Variants in SLCO5A1 observed in about 807,000 individuals in gnomAD.
SLCO5A1 encodes solute carrier organic anion transporter family member 5A1, also known as organic anion transporter polypeptide-related protein 4.
A neutral mutation model predicts 65.1 loss-of-function variants in SLCO5A1; 39 were observed. The ratio of observed to expected loss-of-function variants is 0.60; its 90% CI spans 0.46 to 0.78. The LOEUF (loss-of-function observed/expected upper bound fraction) is 0.78, where lower values mean the gene tolerates loss of function less well. Ranked by LOEUF, SLCO5A1 falls within the 30% of genes least tolerant of loss-of-function variation. The pLI, the probability that SLCO5A1 is intolerant of heterozygous loss-of-function variation, is 0.00. For synonymous variants in SLCO5A1, 438 were observed against 415.7 expected (o/e 1.05, Z -0.65); for missense variants, 1,029 against 1,069.4 (o/e 0.96, Z 0.53).
chr8:69,694,208 A>C (rs1438482498), intron 6 of SLCO5A1, among the ~76,000 whole-genome samples: 3 of 152,218 alleles, frequency 2.0e-5, no homozygotes, highest in African/African-American at 7.2e-5. Flanking sequence ...GAAAGAATGC[A>C]AACTCTGACA....
rs561109305 is a variant in SLCO5A1, at chr8:69,749,993, G to T, written c.1258+5431C>A. Reference sequence around the variant, plus strand: ...AGAGAACATTCCCAGCACAAGCGTGGCAAGTGTAAAAGTCCTGGGGTGAGA... The same window carrying T: ...AGAGAACATTCCCAGCACAAGCGTGTCAAGTGTAAAAGTCCTGGGGTGAGA... On this transcript the variant is annotated intron_variant, in intron 4 of 9. Transcript: ENST00000260126. 2.0e-5 allele frequency among the ~76,000 whole-genome samples: 3 copies of T among 152,326 alleles called. No homozygotes were observed. The South Asian group carries it at 6.2e-4, about 32-fold the overall frequency.
At chr8:69,695,281 G>T (rs980214965) in intron 6 of SLCO5A1, among the ~76,000 whole-genome samples, 1 of 152,108 alleles carries the variant, frequency 6.6e-6, no homozygotes, top group African/African-American at 2.4e-5. Flanking sequence ...GATCACGTAA[G>T]GTCAGGAGTT....
chr8:69,721,839 G>T (rs533127937), intron 5 of SLCO5A1, among the ~76,000 whole-genome samples: 18 of 152,156 alleles, frequency 1.2e-4, no homozygotes, highest in Middle Eastern at 3.4e-3. Context: ...CGATCCTGAG[G>T]TACACACCAA....
At chr8:69,787,652 G>A (rs1819090210) in intron 2 of SLCO5A1, among the ~76,000 whole-genome samples, 2 of 152,214 alleles carry the variant, frequency 1.3e-5, no homozygotes, top group Non-Finnish European at 2.9e-5. Flanking sequence ...CACTAAGTAT[G>A]ATTTTGAAAA....
chr8:69,761,865 A>G lies in SLCO5A1; in HGVS notation c.918T>C (p.Tyr306=), dbSNP rs1817790088. 1 of 1,613,006 alleles carries G rather than the reference A, an allele frequency of 6.2e-7. No individual in the cohort carries two copies. Among genetic ancestry groups the G allele is most frequent in the Non-Finnish European group, 8.5e-7 (1 of 1,179,880 alleles). ...CTGCAGGGCCAAGTGCTCCCATGACATACATGATGGCTGAGAAGACAGAAG... is the reference window on the plus strand; with the variant it reads ...CTGCAGGGCCAAGTGCTCCCATGACGTACATGATGGCTGAGAAGACAGAAG... The part of the protein sequence containing the change: ...ENSSLYLAIM[Y]VMGALGPAVG... The change falls in exon 3 of 10, where the codon TAT becomes TAC. Residue 306 remains tyrosine (Y), a synonymous_variant. Coordinates refer to ENST00000260126, the MANE Select transcript of SLCO5A1 (RefSeq NM_030958.3).
chr8:69,808,697 C>T (rs915695475), intron 2 of SLCO5A1, among the ~76,000 whole-genome samples: 2 of 152,058 alleles, frequency 1.3e-5, no homozygotes, highest in African/African-American at 4.8e-5. Flanking sequence ...AATGAGATTG[C>T]CGGGTCAAAT....
chr8:69,759,054 A>C (rs1817646008), intron 3 of SLCO5A1, among the ~76,000 whole-genome samples: 1 of 152,216 alleles, frequency 6.6e-6, no homozygotes, highest in Admixed American at 6.5e-5. Context: ...GGTAGTTCCA[A>C]GGCTTAAATG....
At chr8:69,703,664 G>A (rs1159217976) in intron 6 of SLCO5A1, among the ~76,000 whole-genome samples, 1 of 152,242 alleles carries the variant, frequency 6.6e-6, no homozygotes, top group Admixed American at 6.5e-5. Context: ...TAGCCAAATT[G>A]CCTGAGGTTA....
intron 2 of SLCO5A1, 77 bp downstream of exon 2, chr8:69,831,690 T>G (rs765547758): frequency 1.2e-5 from 17 of 1,404,628 alleles, no homozygotes; most frequent in Non-Finnish European, 1.7e-5. Context: ...TGAAAGAACA[T>G]GTTTCCTTTT....
intron 2 of SLCO5A1, among the ~76,000 whole-genome samples, chr8:69,775,779 C>T (rs762851868): frequency 6.6e-6 from 1 of 152,042 alleles, no homozygotes; most frequent in East Asian, 1.9e-4. Context: ...TTTGGGAGGC[C>T]ACGGCGGGAA....
Position 69,667,251 on chromosome 8 carries a change from T to A in SLCO5A1, c.*5618A>T, listed in dbSNP as rs1813208483. On this transcript the variant is annotated 3_prime_UTR_variant, in exon 10 of 10. Coordinates refer to ENST00000260126, the MANE Select transcript of SLCO5A1 (RefSeq NM_030958.3). ...AAAATCAAACTTCTTTATGCAACAG[T>A]GCAAAACCTTTCATCACAAACATAC... is the stretch of plus-strand genomic sequence containing the variant. 2 of 151,950 alleles carry A rather than the reference T, an allele frequency of 1.3e-5. No homozygotes were observed. The highest frequency in any genetic ancestry group is 4.8e-5 in the African/African-American group (2 of 41,368). 9.4% of individuals were successfully genotyped at this position (151,950 alleles called of 1,614,324 possible).
At position 69,703,922 on chromosome 8, in the gene SLCO5A1, T is replaced by C. The variant is rs115359809; in HGVS notation, c.1622+1109A>G. ...GCTATTTAAGTCTATTCTACCTGTA[T>C]GATAGAAACATTATACAATGGTGTG... On this transcript the variant is annotated intron_variant, in intron 6 of 9. Transcript: ENST00000260126. Among the ~76,000 whole-genome samples the C allele has an allele frequency of 3.0e-3, 458 of 152,360 alleles. 2 individuals carry two copies. The highest frequency in any genetic ancestry group is 0.01 in the African/African-American group (434 of 41,586).
intron 2 of SLCO5A1, among the ~76,000 whole-genome samples, chr8:69,797,986 C>T (rs993569438): frequency 1.3e-5 from 2 of 152,174 alleles, no homozygotes; most frequent in Non-Finnish European, 2.9e-5. Flanking sequence ...TTTTATGGCT[C>T]AGGGGGAATC....
intron 2 of SLCO5A1, among the ~76,000 whole-genome samples, chr8:69,825,306 G>C (rs1174826131): frequency 6.6e-6 from 1 of 152,154 alleles, no homozygotes; most frequent in Non-Finnish European, 1.5e-5. Context: ...AGGAAATAAA[G>C]GGTATTCAAT....
chr8:69,715,183 T>G (rs934373426), intron 5 of SLCO5A1, among the ~76,000 whole-genome samples: 1 of 152,234 alleles, frequency 6.6e-6, no homozygotes, highest in Non-Finnish European at 1.5e-5. Context: ...TACTTCCGTT[T>G]TCCCTAGTGC....
intron 6 of SLCO5A1, among the ~76,000 whole-genome samples, chr8:69,688,516 G>C (rs953314934): frequency 6.6e-6 from 1 of 151,704 alleles, no homozygotes; most frequent in South Asian, 2.1e-4. Flanking sequence ...GCCCCAGAGT[G>C]TGATGTTCCC....
At chr8:69,766,480 C>T (rs990390781) in intron 2 of SLCO5A1, among the ~76,000 whole-genome samples, 1 of 152,094 alleles carries the variant, frequency 6.6e-6, no homozygotes, top group African/African-American at 2.4e-5. Flanking sequence ...TAGGGTCTTA[C>T]CAGTTGCTCT....
intron 2 of SLCO5A1, among the ~76,000 whole-genome samples, chr8:69,791,495 A>T (rs555123341): frequency 1.3e-5 from 2 of 152,234 alleles, no homozygotes; most frequent in Non-Finnish European, 2.9e-5. Flanking sequence ...TTTAGAAGAA[A>T]AATATTAAAT....
intron 5 of SLCO5A1, among the ~76,000 whole-genome samples, chr8:69,715,386 C>T (rs1366803928): frequency 1.3e-5 from 2 of 152,208 alleles, no homozygotes; most frequent in African/African-American, 2.4e-5. Context: ...ACAGATGTGG[C>T]CCATGCCAAG....
Sources: allele counts gnomAD v4.1 joint callset (sites outside exome capture counted in the v4.1 genomes callset), GRCh38; gene constraint gnomAD v4.1.1; transcripts MANE v1.5; gene names NCBI Gene and HGNC (gene_info 2026-07-23, HGNC 2026-07-21).